PRTG: variants seen among roughly 807,000 people sequenced by gnomAD.
The protein encoded by PRTG is protogenin.
Under a neutral mutation model 122.5 loss-of-function variants are expected in PRTG, and 67 were observed. The ratio of observed to expected loss-of-function variants is 0.55; its 90% CI spans 0.45 to 0.67. The LOEUF (loss-of-function observed/expected upper bound fraction) is 0.67, where lower values mean the gene tolerates loss of function less well. Among genes scored for constraint, PRTG ranks in the 30% least tolerant of loss-of-function variants. PRTG has a pLI of 0.00. For missense variants in PRTG, 1,435 were observed against 1,415.4 expected, an observed-to-expected ratio of 1.01 and a Z score of -0.22; for synonymous variants, 554 against 501.1, an observed-to-expected ratio of 1.11 and a Z score of -1.41.
chr15:55,717,941 C>T (rs754552253), intron 2 of PRTG, among the ~76,000 whole-genome samples: 1 of 152,184 alleles, frequency 6.6e-6, no homozygotes, highest in African/African-American at 2.4e-5. Flanking sequence ...TGACTTGGAT[C>T]GGGGGACCTC....
chr15:55,737,578 T>C (rs545536055), intron 2 of PRTG, among the ~76,000 whole-genome samples: 1 of 152,192 alleles, frequency 6.6e-6, no homozygotes, highest in African/African-American at 2.4e-5. Flanking sequence ...AAGAGCTACA[T>C]GAAAGCTTTG....
intron 11 of PRTG, among the ~76,000 whole-genome samples, chr15:55,653,463 A>ATT (rs66982054): frequency 2.1e-5 from 3 of 141,574 alleles, no homozygotes; most frequent in Non-Finnish European, 4.6e-5. Context: ...GATCATCTCT[A>ATT]TTTTTTTTTT....
intron 2 of PRTG, among the ~76,000 whole-genome samples, chr15:55,708,481 A>G (rs546515705): frequency 6.1e-4 from 92 of 152,008 alleles, no homozygotes; most frequent in African/African-American, 2.1e-3. Flanking sequence ...AGTGGCAGGC[A>G]CCTGTAATCC....
intron 2 of PRTG, among the ~76,000 whole-genome samples, chr15:55,723,752 C>CTT (rs769469226): frequency 0.11 from 14,356 of 127,018 alleles, 1,115 homozygotes; most frequent in Middle Eastern, 0.19. Context: ...TTTCTTTTTT[C>CTT]TTTTTTTTTT....
chr15:55,741,487 G>A (rs546009853), intron 1 of PRTG, among the ~76,000 whole-genome samples: 2 of 152,208 alleles, frequency 1.3e-5, no homozygotes, highest in African/African-American at 2.4e-5. Flanking sequence ...CAGAGCAGAG[G>A]AAAGGCTTTA....
At chr15:55,729,853 GATGT>G (rs1743916023) in intron 2 of PRTG, among the ~76,000 whole-genome samples, 9 of 152,102 alleles carry the variant, frequency 5.9e-5, no homozygotes, top group Admixed American at 5.9e-4. Context: ...CATTTGGACA[GATGT>G]ATCAACAAAT....
At position 55,742,891 on chromosome 15, in the gene PRTG, G is replaced by C. The variant is rs1369084237; in HGVS notation, c.41C>G (p.Pro14Arg). Residue 14 changes from proline to arginine, a missense_variant, in exon 1 of 20, where the codon CCG becomes CGG. Physicochemically the swap from Pro to Arg is moderately radical, Grantham distance 103 (BLOSUM62 -2). Transcript: ENST00000389286. The stretch of plus-strand genomic sequence containing the variant: ...CAGGAGCGCGCGGAGCAGCATCCCC[G>C]GCGGTCGCAGCCGGGCGAGGGGTCG... ...PLRPLARLRP[P>R]GMLLRALLLL... 6.5e-6 allele frequency: 10 copies of C among 1,531,494 alleles called. No individual in the cohort carries two copies. Among genetic ancestry groups the C allele is most frequent in the Middle Eastern group, 2.2e-4 (1 of 4,484 alleles). 94.9% of individuals were successfully genotyped at this position (1,531,494 alleles called of 1,614,324 possible). A position where few individuals can be genotyped will look rare whatever the true frequency, so the allele number is the denominator to read the frequency against.
intron 2 of PRTG, among the ~76,000 whole-genome samples, chr15:55,711,817 C>A (rs919695327): frequency 1.1e-4 from 17 of 152,168 alleles, no homozygotes; most frequent in Non-Finnish European, 2.2e-4. Flanking sequence ...AGTTTTAGGC[C>A]ACCCTGTTTA....
At chr15:55,675,401 T>G (rs2059496823) in intron 9 of PRTG, 118 bp downstream of exon 9, 15 of 675,188 alleles carry the variant, frequency 2.2e-5, no homozygotes, top group Non-Finnish European at 3.2e-5. Flanking sequence ...ACGGCAAATT[T>G]AACATACCTG....
intron 11 of PRTG, among the ~76,000 whole-genome samples, chr15:55,670,794 G>A (rs534116447): frequency 1.2e-4 from 18 of 152,076 alleles, no homozygotes; most frequent in Non-Finnish European, 1.6e-4. Flanking sequence ...CCAGCTACTC[G>A]GGAGGCTGAG....
At position 55,731,359 on chromosome 15, in the gene PRTG, TATCA is replaced by T. The variant is rs201043918; in HGVS notation, c.397+9019_397+9022del. On this transcript the variant is annotated intron_variant, in intron 2 of 19. Transcript: ENST00000389286. Reference sequence around the variant, plus strand: ...AGCTGAGGGAGAAGAAATTACACCTTATCATTCTTTTTTTTTTTTTTTTTTTTTG... The same window carrying T: ...AGCTGAGGGAGAAGAAATTACACCTTTTCTTTTTTTTTTTTTTTTTTTTTG... Among the ~76,000 whole-genome samples the T allele has an allele frequency of 5.1e-3, 758 of 148,086 alleles. 8 individuals carry two copies. The highest frequency in any genetic ancestry group is 0.018 in the African/African-American group (706 of 39,242).
chr15:55,726,839 C>G (rs1595680244), intron 2 of PRTG, among the ~76,000 whole-genome samples: 2 of 150,642 alleles, frequency 1.3e-5, no homozygotes, highest in Non-Finnish European at 3.0e-5. Context: ...TGAAAACATA[C>G]AGGAGGCTGA....
intron 11 of PRTG, among the ~76,000 whole-genome samples, chr15:55,643,671 G>A (rs1486919589): frequency 4.6e-5 from 7 of 151,858 alleles, no homozygotes; most frequent in East Asian, 1.9e-4. Context: ...CTATCTGCCC[G>A]CCTTGGCCTC....
In PRTG at chr15:55,653,876, T is replaced by C. The variant is rs1595622412; in HGVS notation, c.2042-12668A>G. Among the ~76,000 whole-genome samples, 7 of 152,382 alleles carry C rather than the reference T, an allele frequency of 4.6e-5. No homozygotes were observed. In the South Asian group the frequency reaches 1.4e-3, roughly 32 times the overall value. On this transcript the variant is annotated intron_variant, in intron 11 of 19. Coordinates refer to ENST00000389286, the MANE Select transcript of PRTG (RefSeq NM_173814.6). Reference sequence around the variant, plus strand: ...GTTCACTAATGTTTTGATCCTGTTATTCCTTTTTTGATCATGTAATTTCAT... The same window carrying C: ...GTTCACTAATGTTTTGATCCTGTTACTCCTTTTTTGATCATGTAATTTCAT...
intron 2 of PRTG, among the ~76,000 whole-genome samples, chr15:55,727,955 C>G (rs2031094616): frequency 6.6e-6 from 1 of 152,082 alleles, no homozygotes; most frequent in African/African-American, 2.4e-5. Context: ...ACTTCCGCCT[C>G]CCAGGTTCAA....
chr15:55,714,643 A>C (rs1227814312), intron 2 of PRTG, among the ~76,000 whole-genome samples: 1 of 152,054 alleles, frequency 6.6e-6, no homozygotes, highest in Non-Finnish European at 1.5e-5. Flanking sequence ...AAGTACTTTT[A>C]ATTATTTCAG....
intron 11 of PRTG, among the ~76,000 whole-genome samples, chr15:55,660,905 T>C (rs1485344243): frequency 2.0e-5 from 3 of 152,168 alleles, no homozygotes; most frequent in African/African-American, 7.2e-5. Context: ...ATGTAATAAA[T>C]TACGAAAATT....
intron 2 of PRTG, among the ~76,000 whole-genome samples, chr15:55,729,928 G>T (rs2031170425): frequency 6.6e-6 from 1 of 152,122 alleles, no homozygotes; most frequent in Non-Finnish European, 1.5e-5. Context: ...CACAAGAAAA[G>T]AAATTCCATG....
At chr15:55,692,334 G>A (rs76805919) in intron 2 of PRTG, among the ~76,000 whole-genome samples, 715 of 152,268 alleles carry the variant, frequency 4.7e-3, no homozygotes, top group African/African-American at 0.016. Context: ...GGGTTTTAAT[G>A]ATGGCAGAAG....
Sources: allele counts gnomAD v4.1 joint callset (sites outside exome capture counted in the v4.1 genomes callset), GRCh38; gene constraint gnomAD v4.1.1; transcripts MANE v1.5; gene names NCBI Gene and HGNC (gene_info 2026-07-23, HGNC 2026-07-21).